The following NEGR1 variants were observed in gnomAD, a reference collection of about 807,000 sequenced individuals.
The protein encoded by NEGR1 is IgLON family member 4.
A neutral mutation model predicts 40.9 loss-of-function variants in NEGR1; 10 were observed. The ratio of observed to expected loss-of-function variants is 0.24; its 90% CI spans 0.15 to 0.42. The LOEUF is 0.42. Ranked by LOEUF, NEGR1 falls within the 10% of genes least tolerant of loss-of-function variation. NEGR1 has a pLI of 1.00. For missense variants in NEGR1, 352 were observed against 438.9 expected, an observed-to-expected ratio of 0.80 and a Z score of 1.77; for synonymous variants, 185 against 166.8, an observed-to-expected ratio of 1.11 and a Z score of -0.84.
At chr1:72,018,892 C>A (rs944838847) in intron 1 of NEGR1, among the ~76,000 whole-genome samples, 2 of 152,102 alleles carry the variant, frequency 1.3e-5, no homozygotes, top group African/African-American at 4.8e-5. Context: ...CATGATCTAG[C>A]ACCGGTTTCA....
chr1:72,176,961 T>C (rs533811305), intron 1 of NEGR1, among the ~76,000 whole-genome samples: 153 of 152,064 alleles, frequency 1.0e-3, no homozygotes, highest in African/African-American at 3.6e-3. Context: ...TCAGATGAGA[T>C]CGAGCGCGTT....
At chr1:72,138,962 C>G (rs1283795498) in intron 1 of NEGR1, among the ~76,000 whole-genome samples, 1 of 151,834 alleles carries the variant, frequency 6.6e-6, no homozygotes. Flanking sequence ...ATAAAAATGT[C>G]TCAATAAATT....
rs145647805 is a variant in NEGR1 at position 71,573,939 on chromosome 1, A to T, written c.940+18878T>A. Reference sequence around the variant, plus strand: ...CATTTTTATCTCTATATATCTGCAGATTATTGGGAGACACTCCTTTATGGG... The same window carrying T: ...CATTTTTATCTCTATATATCTGCAGTTTATTGGGAGACACTCCTTTATGGG... On this transcript the variant is annotated intron_variant, in intron 6 of 6. Transcript: ENST00000357731. Among the ~76,000 whole-genome samples the T allele has an allele frequency of 4.6e-5, 7 of 152,244 alleles. No homozygotes were observed. The East Asian group carries it at 1.4e-3, about 29-fold the overall frequency.
chr1:71,822,861 T>C (rs1217173851), intron 2 of NEGR1, among the ~76,000 whole-genome samples: 6 of 151,982 alleles, frequency 3.9e-5, no homozygotes, highest in African/African-American at 7.2e-5. Context: ...GACCCACTAG[T>C]TGTATTGCAC....
intron 2 of NEGR1, among the ~76,000 whole-genome samples, chr1:71,932,448 C>T (rs1056799066): frequency 7.2e-5 from 11 of 151,876 alleles, no homozygotes; most frequent in Admixed American, 2.0e-4. Context: ...GATTAGAATG[C>T]GGGTTTTCCT....
At chr1:71,614,511 G>C (rs1650380078) in intron 4 of NEGR1, among the ~76,000 whole-genome samples, 1 of 152,094 alleles carries the variant, frequency 6.6e-6, no homozygotes, top group African/African-American at 2.4e-5. Flanking sequence ...GCTCATGACA[G>C]GTACAGGTAA....
chr1:72,212,029 T>C (rs1653627965), intron 1 of NEGR1, among the ~76,000 whole-genome samples: 1 of 151,978 alleles, frequency 6.6e-6, no homozygotes, highest in Non-Finnish European at 1.5e-5. Flanking sequence ...AGTTATCAGA[T>C]GAAATGCCTA....
At chr1:71,721,029 T>G (rs908255510) in intron 3 of NEGR1, among the ~76,000 whole-genome samples, 1 of 152,308 alleles carries the variant, frequency 6.6e-6, no homozygotes, top group African/African-American at 2.4e-5. Flanking sequence ...AATTTATTTA[T>G]AGCATGACAG....
chr1:71,806,926 T>C (rs1657797818), intron 2 of NEGR1, among the ~76,000 whole-genome samples: 1 of 133,650 alleles, frequency 7.5e-6, no homozygotes. Flanking sequence ...GGAGTCTCAC[T>C]CTCTTGCCCA....
intron 1 of NEGR1, among the ~76,000 whole-genome samples, chr1:72,260,068 A>C (rs1655404871): frequency 6.6e-6 from 1 of 152,132 alleles, no homozygotes; most frequent in Non-Finnish European, 1.5e-5. Context: ...GCTTTATACA[A>C]ATTTCCTTTC....
intron 1 of NEGR1, among the ~76,000 whole-genome samples, chr1:72,170,733 T>C (rs1651931649): frequency 6.6e-6 from 1 of 152,212 alleles, no homozygotes; most frequent in African/African-American, 2.4e-5. Context: ...GAGGCTAACA[T>C]TTCTTCTGTG....
At chr1:72,176,643 C>T (rs1391902451) in intron 1 of NEGR1, among the ~76,000 whole-genome samples, 2 of 151,930 alleles carry the variant, frequency 1.3e-5, no homozygotes, top group Non-Finnish European at 2.9e-5. Flanking sequence ...TTAATGAAAA[C>T]AGCCTGGAAT....
intron 6 of NEGR1, among the ~76,000 whole-genome samples, chr1:71,437,075 T>C (rs1246269303): frequency 6.6e-6 from 1 of 152,020 alleles, no homozygotes; most frequent in Non-Finnish European, 1.5e-5. Context: ...AAAAACACTA[T>C]AGGCACATAA....
At chr1:72,246,179 T>A (rs1654896978) in intron 1 of NEGR1, among the ~76,000 whole-genome samples, 1 of 127,890 alleles carries the variant, frequency 7.8e-6, no homozygotes, top group African/African-American at 2.9e-5. Context: ...ACTTCCAGTC[T>A]TTTTCTCTCT....
At chr1:71,722,968 G>C (rs1245064824) in intron 3 of NEGR1, among the ~76,000 whole-genome samples, 1 of 151,132 alleles carries the variant, frequency 6.6e-6, no homozygotes, top group African/African-American at 2.4e-5. Flanking sequence ...ACATTAGTTT[G>C]TTTTTCCTAG....
At chr1:71,653,649 T>C (rs972784015) in intron 4 of NEGR1, among the ~76,000 whole-genome samples, 38 of 152,244 alleles carry the variant, frequency 2.5e-4, no homozygotes, top group African/African-American at 9.2e-4. Flanking sequence ...TATCACTGGA[T>C]AAAAAGCAAC....
intron 4 of NEGR1, among the ~76,000 whole-genome samples, chr1:71,675,127 A>ATATATATATATATATACACACACACAC (rs58527465): frequency 6.9e-5 from 2 of 28,878 alleles, no homozygotes; most frequent in Admixed American, 7.1e-4. Context: ...ATATATATAT[A>ATATATATATATATATACACACACACAC]CACACACACA....
Position 72,247,909 on chromosome 1 carries a change from C to T in NEGR1, c.176+34410G>A, listed in dbSNP as rs187719607. ...TTTTAAGAAGCATGGTGCCAACATCCGCTTGGATTCTGGGGAGGCATCGGG... is the reference window on the plus strand; with the variant it reads ...TTTTAAGAAGCATGGTGCCAACATCTGCTTGGATTCTGGGGAGGCATCGGG... On this transcript the variant is annotated intron_variant, in intron 1 of 6. Coordinates refer to ENST00000357731, the MANE Select transcript of NEGR1 (RefSeq NM_173808.3). Among the ~76,000 whole-genome samples, 557 of 152,194 alleles carry T rather than the reference C, an allele frequency of 3.7e-3. 8 individuals carry two copies. The highest frequency in any genetic ancestry group is 3.5e-3 in the East Asian group (18 of 5,150).
At chr1:71,994,450 C>T (rs1046027902) in intron 1 of NEGR1, among the ~76,000 whole-genome samples, 1 of 151,918 alleles carries the variant, frequency 6.6e-6, no homozygotes, top group African/African-American at 2.4e-5. Flanking sequence ...ATGGCCTGAA[C>T]CCGGGAGGCG....
Sources: gnomAD v4.1 joint callset for allele counts (sites outside exome capture counted in the v4.1 genomes callset) on GRCh38, gnomAD v4.1.1 for gene constraint, MANE v1.5 for transcripts, NCBI Gene and HGNC (gene_info 2026-07-23, HGNC 2026-07-21) for gene names.